EPHA6: variants seen among roughly 807,000 people sequenced by gnomAD.
EPHA6 encodes EPH receptor A6.
In EPHA6, 50 loss-of-function variants were observed where a neutral mutation model predicts 112.0. The observed-to-expected ratio is 0.45, with a 90% CI of 0.36 to 0.56. EPHA6 has a LOEUF of 0.56. Among genes scored for constraint, EPHA6 ranks in the 20% least tolerant of loss-of-function variants. The pLI is 0.00. For missense variants in EPHA6, 1,280 were observed against 1,417.4 expected (o/e 0.90, Z 1.56); for synonymous variants, 529 against 490.7 (o/e 1.08, Z -1.03).
intron 5 of EPHA6, among the ~76,000 whole-genome samples, chr3:97,328,239 T>C (rs1365513035): frequency 2.6e-5 from 4 of 151,752 alleles, no homozygotes; most frequent in African/African-American, 9.7e-5. Flanking sequence ...TGTTGGGCCT[T>C]ATGGAAACTG....
chr3:97,036,657 A>C (rs1028210900), intron 3 of EPHA6, among the ~76,000 whole-genome samples: 1 of 152,154 alleles, frequency 6.6e-6, no homozygotes, highest in South Asian at 2.1e-4. Context: ...CTTGAGCTCT[A>C]TTCTAGGCAG....
intron 14 of EPHA6, chr3:97,648,252 T>C (rs1244220713): frequency 1.2e-6 from 1 of 826,868 alleles, no homozygotes; most frequent in African/African-American, 1.7e-5. Flanking sequence ...ACAGTTCTGT[T>C]AACATCTTAA....
chr3:97,315,117 G>C (rs2081757197), intron 5 of EPHA6, among the ~76,000 whole-genome samples: 1 of 151,074 alleles, frequency 6.6e-6, no homozygotes, highest in African/African-American at 2.4e-5. Context: ...TGCAAATATA[G>C]GGATAAATTA....
At chr3:97,077,633 A>G (rs544553788) in intron 3 of EPHA6, among the ~76,000 whole-genome samples, 1 of 151,436 alleles carries the variant, frequency 6.6e-6, no homozygotes, top group South Asian at 2.1e-4. Flanking sequence ...TATGAGTGAG[A>G]ACATGCGCTG....
At position 97,240,653 on chromosome 3, in the gene EPHA6, G is replaced by A. The variant is rs530890999; in HGVS notation, c.1271-3299G>A. 4.0e-5 allele frequency among the ~76,000 whole-genome samples: 6 copies of A among 151,778 alleles called. No individual in the cohort carries two copies. The South Asian group carries it at 6.2e-4, about 16-fold the overall frequency. ...AACATAAATCTGTACTGGTTGATGCGACAACTGAAATATGGCCCTTCAGCT... is the reference window on the plus strand; with the variant it reads ...AACATAAATCTGTACTGGTTGATGCAACAACTGAAATATGGCCCTTCAGCT... On this transcript the variant is annotated intron_variant, in intron 4 of 17. Transcript: ENST00000389672.
At chr3:97,544,066 A>G (rs1336011133) in intron 11 of EPHA6, among the ~76,000 whole-genome samples, 3 of 152,100 alleles carry the variant, frequency 2.0e-5, no homozygotes, top group Non-Finnish European at 2.9e-5. Context: ...CTCTTTTCCT[A>G]ATTGAATACC....
At chr3:97,661,889 G>A (rs765838256) in intron 14 of EPHA6, among the ~76,000 whole-genome samples, 1 of 152,078 alleles carries the variant, frequency 6.6e-6, no homozygotes, top group Non-Finnish European at 1.5e-5. Flanking sequence ...TGCATGATTG[G>A]CATATACAAA....
At chr3:97,705,705 G>A (rs2033642223) in intron 14 of EPHA6, among the ~76,000 whole-genome samples, 2 of 152,106 alleles carry the variant, frequency 1.3e-5, no homozygotes, top group South Asian at 2.1e-4. Flanking sequence ...ATAAGAAAAA[G>A]CCAAGAGACA....
chr3:97,012,009 A>G (rs2044102737), intron 3 of EPHA6, among the ~76,000 whole-genome samples: 3 of 152,272 alleles, frequency 2.0e-5, no homozygotes, highest in South Asian at 4.1e-4. Context: ...TTGTGGCTGC[A>G]TAGTACTCCA....
At chr3:97,374,857 C>T (rs2085257968) in intron 5 of EPHA6, among the ~76,000 whole-genome samples, 1 of 152,056 alleles carries the variant, frequency 6.6e-6, no homozygotes, top group Non-Finnish European at 1.5e-5. Context: ...TTTTTCACTA[C>T]CAGATTTAAA....
intron 2 of EPHA6, among the ~76,000 whole-genome samples, chr3:96,916,129 T>A (rs1166765892): frequency 2.0e-5 from 3 of 152,130 alleles, no homozygotes; most frequent in Non-Finnish European, 4.4e-5. Context: ...GATAGACCAA[T>A]CCATATTTAT....
In EPHA6 at chr3:97,423,677, A is replaced by G. The variant is rs2088863993; in HGVS notation, c.1731+18403A>G. On this transcript the variant is annotated intron_variant, in intron 6 of 17. Transcript: ENST00000389672. ...TCTAAAATTCATATGGAACCAAAAAAGAGACCAAATAGCCATAGCTATTCT... is the reference window on the plus strand; with the variant it reads ...TCTAAAATTCATATGGAACCAAAAAGGAGACCAAATAGCCATAGCTATTCT... Among the ~76,000 whole-genome samples the G allele has an allele frequency of 2.0e-5, 3 of 152,210 alleles. No homozygotes were observed. The South Asian group carries it at 6.2e-4, about 31-fold the overall frequency.
At position 97,010,102 on chromosome 3, in the gene EPHA6, T is replaced by G. The variant is rs1409252099; in HGVS notation, c.1114+22109T>G. ...AGAAAAAGCAAAAGAGTAGCATTAC[T>G]AAAATATTAAACGGTTACATTTACA... On this transcript the variant is annotated intron_variant, in intron 3 of 17. Transcript: ENST00000389672. 4.7e-6 allele frequency: 6 copies of G among 1,273,600 alleles called. No individual in the cohort carries two copies. The African/African-American group carries it at 6.2e-5, about 13-fold the overall frequency. The allele number at this position is 1,273,600 out of a possible 1,614,324, so 78.9% of individuals were successfully genotyped here. A position where few individuals can be genotyped will look rare whatever the true frequency, so the allele number is the denominator to read the frequency against.
At chr3:97,319,215 T>C (rs559316974) in intron 5 of EPHA6, among the ~76,000 whole-genome samples, 1 of 151,402 alleles carries the variant, frequency 6.6e-6, no homozygotes, top group East Asian at 1.9e-4. Context: ...CTCAATTCTT[T>C]CCTTACAGTA....
Position 96,861,713 on chromosome 3 carries a change from G to A in EPHA6, c.386-5112G>A, listed in dbSNP as rs546199603. Among the ~76,000 whole-genome samples the A allele has an allele frequency of 4.6e-5, 7 of 151,790 alleles. No homozygotes were observed. The East Asian group carries it at 9.7e-4, about 21-fold the overall frequency. Reference sequence around the variant, plus strand: ...CTCTATGTTAAAAACATGGAAACAAGCAAAAACCACAAAAAATAAGAATAA... The same window carrying A: ...CTCTATGTTAAAAACATGGAAACAAACAAAAACCACAAAAAATAAGAATAA... On this transcript the variant is annotated intron_variant, in intron 1 of 17. Coordinates refer to ENST00000389672, the MANE Select transcript of EPHA6 (RefSeq NM_001080448.3).
chr3:96,980,660 G>A lies in EPHA6; in HGVS notation c.451-6670G>A, dbSNP rs1234675404. Among the ~76,000 whole-genome samples the A allele has an allele frequency of 2.0e-5, 3 of 152,056 alleles. No individual in the cohort carries two copies. The East Asian group carries it at 5.8e-4, about 29-fold the overall frequency. On this transcript the variant is annotated intron_variant, in intron 2 of 17. Transcript: ENST00000389672. ...CCTTGGGCAGTATGGCCATTTTCAT[G>A]ATATTGATTCTTCCTACCCATGAGC...
chr3:96,854,313 G>A (rs1292795237), intron 1 of EPHA6, among the ~76,000 whole-genome samples: 1 of 151,200 alleles, frequency 6.6e-6, no homozygotes, highest in East Asian at 2.0e-4. Context: ...CCAAGTAGCT[G>A]GGACTACAGG....
At chr3:97,201,971 C>A (rs1015247552) in intron 3 of EPHA6, among the ~76,000 whole-genome samples, 1 of 152,086 alleles carries the variant, frequency 6.6e-6, no homozygotes, top group African/African-American at 2.4e-5. Context: ...TAACTAGGCA[C>A]TCTAATGGGC....
chr3:97,317,166 G>A (rs918643199), intron 5 of EPHA6, among the ~76,000 whole-genome samples: 1 of 151,722 alleles, frequency 6.6e-6, no homozygotes, highest in Non-Finnish European at 1.5e-5. Flanking sequence ...TGATGGAAAG[G>A]CCAACTGTGT....
Sources: allele counts gnomAD v4.1 joint callset (sites outside exome capture counted in the v4.1 genomes callset), GRCh38; gene constraint gnomAD v4.1.1; transcripts MANE v1.5; gene names NCBI Gene and HGNC (gene_info 2026-07-23, HGNC 2026-07-21).